RAB38: variants seen among roughly 807,000 people sequenced by gnomAD.
RAB38 encodes the protein ras-related protein Rab-38.
A neutral mutation model predicts 18.4 loss-of-function variants in RAB38; 15 were observed. That is an observed-to-expected ratio of 0.82 (90% CI 0.55 to 1.26). The LOEUF is 1.26. Ranked by LOEUF, RAB38 falls within the 50% of genes most tolerant of loss-of-function variation. The pLI is 0.00. For synonymous variants in RAB38, 101 were observed against 104.4 expected (o/e 0.97, Z 0.20); for missense variants, 294 against 267.4 (o/e 1.10, Z -0.69).
At chr11:88,069,022 C>T in the RAB38 span, among the ~76,000 whole-genome samples, 1 of 152,162 alleles carries the variant, frequency 6.6e-6, no homozygotes, top group African/African-American at 2.4e-5. Flanking sequence ...CTGGAGCTGG[C>T]TCCCTCTGCT....
the RAB38 span, among the ~76,000 whole-genome samples, chr11:88,022,305 A>T: frequency 3.4e-5 from 5 of 148,226 alleles, no homozygotes; most frequent in East Asian, 3.9e-4. Flanking sequence ...CTTTATGATT[A>T]AAAAAAAACC....
At chr11:88,025,589 C>T in the RAB38 span, among the ~76,000 whole-genome samples, 2 of 152,052 alleles carry the variant, frequency 1.3e-5, no homozygotes, top group African/African-American at 4.8e-5. Flanking sequence ...TGTGAGATGC[C>T]TCATTGTGGT....
chr11:88,165,610 T>C (rs1418202005), intron 1 of RAB38: 1 of 152,064 alleles, frequency 6.6e-6, no homozygotes, highest in Non-Finnish European at 1.5e-5. Flanking sequence ...TAAATAAAAG[T>C]GATAAGGAAC....
intron 1 of RAB38, among the ~76,000 whole-genome samples, chr11:88,151,573 G>C (rs929033506): frequency 6.6e-6 from 1 of 152,126 alleles, no homozygotes; most frequent in Non-Finnish European, 1.5e-5. Context: ...TTAAAATAAA[G>C]TTAGTGTGCA....
At chr11:88,030,011 G>A in the RAB38 span, among the ~76,000 whole-genome samples, 5 of 152,146 alleles carry the variant, frequency 3.3e-5, 1 homozygote, top group African/African-American at 1.2e-4. Flanking sequence ...TAAAAGAACA[G>A]AAGTTATAAC....
At chr11:87,936,760 A>C in the RAB38 span, among the ~76,000 whole-genome samples, 1 of 152,118 alleles carries the variant, frequency 6.6e-6, no homozygotes, top group African/African-American at 2.4e-5. Context: ...CTGATTATCA[A>C]TTTGGGGAGA....
the RAB38 span, among the ~76,000 whole-genome samples, chr11:88,016,881 T>C: frequency 2.0e-5 from 3 of 152,022 alleles, no homozygotes; most frequent in African/African-American, 7.2e-5. Context: ...ATCTGGGTAA[T>C]AATGATTCAG....
the RAB38 span, among the ~76,000 whole-genome samples, chr11:88,037,722 A>G: frequency 6.6e-6 from 1 of 152,178 alleles, no homozygotes; most frequent in African/African-American, 2.4e-5. Flanking sequence ...TTCACTTAAT[A>G]TAATGCTTTT....
At chr11:88,037,981 T>A in the RAB38 span, among the ~76,000 whole-genome samples, 1 of 152,190 alleles carries the variant, frequency 6.6e-6, no homozygotes, top group African/African-American at 2.4e-5. Flanking sequence ...ATAAATTGTC[T>A]TATAGTTATG....
chr11:87,942,806 G>A, the RAB38 span, among the ~76,000 whole-genome samples: 2 of 152,168 alleles, frequency 1.3e-5, no homozygotes, highest in African/African-American at 4.8e-5. Flanking sequence ...ACAAGTCTGT[G>A]TGTGAAGTAT....
the RAB38 span, among the ~76,000 whole-genome samples, chr11:87,871,091 A>C: frequency 6.6e-6 from 1 of 151,682 alleles, no homozygotes; most frequent in African/African-American, 2.4e-5. Context: ...TAAAAATTAA[A>C]GCAAACAAAT....
the RAB38 span, among the ~76,000 whole-genome samples, chr11:87,820,744 A>G: frequency 6.6e-6 from 1 of 152,360 alleles, no homozygotes; most frequent in Admixed American, 6.5e-5. Flanking sequence ...TAATAAAATA[A>G]TCAGATCCAA....
At chr11:88,110,436 G>A (rs11018446), downstream of RAB38, among the ~76,000 whole-genome samples, 15,292 of 152,036 alleles carry the variant, frequency 0.1, 1,265 homozygotes, top group East Asian at 0.4. Context: ...ATGGGTTGAT[G>A]GGTGCAGCAA....
At chr11:88,024,613 G>A in the RAB38 span, among the ~76,000 whole-genome samples, 1 of 152,118 alleles carries the variant, frequency 6.6e-6, no homozygotes, top group East Asian at 1.9e-4. Context: ...GTTCATAATG[G>A]CCAAGATTTG....
At chr11:87,951,778 C>T in the RAB38 span, among the ~76,000 whole-genome samples, 1 of 152,130 alleles carries the variant, frequency 6.6e-6, no homozygotes, top group East Asian at 1.9e-4. Context: ...AGAGGAGTAC[C>T]TGGCTGTGTG....
the RAB38 span, among the ~76,000 whole-genome samples, chr11:88,015,635 G>A: frequency 6.6e-6 from 1 of 152,210 alleles, no homozygotes; most frequent in Admixed American, 6.6e-5. Context: ...CTCCAGGAGA[G>A]GAAAGTGAGT....
the RAB38 span, among the ~76,000 whole-genome samples, chr11:88,027,722 G>T: frequency 6.6e-6 from 1 of 152,268 alleles, no homozygotes; most frequent in Non-Finnish European, 1.5e-5. Flanking sequence ...CAGCTGGGAA[G>T]CTCCAACTGG....
chr11:87,873,924 A>G, the RAB38 span, among the ~76,000 whole-genome samples: 1,914 of 65,186 alleles, frequency 0.029, 52 homozygotes, highest in African/African-American at 0.15. Context: ...GTGTGTGTGT[A>G]TATATATATA....
At chr11:87,840,574 G>A in the RAB38 span, among the ~76,000 whole-genome samples, 1 of 152,164 alleles carries the variant, frequency 6.6e-6, no homozygotes, top group Non-Finnish European at 1.5e-5. Flanking sequence ...TTATTCTAAT[G>A]CTAAACCAAG....
Sources: allele counts gnomAD v4.1 joint callset (sites outside exome capture counted in the v4.1 genomes callset), GRCh38; gene constraint gnomAD v4.1.1; transcripts MANE v1.5; gene names NCBI Gene and HGNC (gene_info 2026-07-23, HGNC 2026-07-21).